TAF1B: variants seen among roughly 807,000 people sequenced by gnomAD.
TAF1B encodes TATA box-binding protein-associated factor RNA polymerase I subunit B.
TAF1B carries 61 observed loss-of-function variants against 83.9 expected under a neutral mutation model. The observed-to-expected ratio is 0.73, with a 90% CI of 0.59 to 0.90. The LOEUF is 0.90. Among genes scored for constraint, TAF1B ranks in the 40% least tolerant of loss-of-function variants. The pLI is 0.00. For synonymous variants in TAF1B, 221 were observed against 224.6 expected, an observed-to-expected ratio of 0.98 and a Z score of 0.14; for missense variants, 625 against 677.0, an observed-to-expected ratio of 0.92 and a Z score of 0.85.
rs151332114 is a variant in TAF1B at position 9,886,243 on chromosome 2, A to G, written c.807+3438A>G. 6.5e-3 allele frequency among the ~76,000 whole-genome samples: 992 copies of G among 151,650 alleles called. 5 individuals are homozygous for G. Among genetic ancestry groups the G allele is most frequent in the Middle Eastern group, 0.014 (4 of 292 alleles). On this transcript the variant is annotated intron_variant, in intron 8 of 14. Transcript: ENST00000263663. The stretch of plus-strand genomic sequence containing the variant: ...AAAGACATACCATTTTGGAAAATTA[A>G]GTTTCCATTTTAAGATTCTGTTAAC...
chr2:9,875,905 C>A lies in TAF1B; in HGVS notation c.594C>A (p.Tyr198Ter). The A allele has an allele frequency of 6.2e-7, 1 of 1,612,316 alleles. No individual in the cohort carries two copies. The highest frequency in any genetic ancestry group is 8.5e-7 in the Non-Finnish European group (1 of 1,178,740). ...CTGGATCTCTGGATGGAGTTGAATA[C>A]TCACAACGAAAGGAGAAGGGAATCG... ...VCSGSLDGVE[Y>*]SQRKEKGIVK... The change falls in exon 7 of 15, where the codon TAC (tyrosine) becomes TAA (stop). Residue 198 changes from tyrosine to a stop codon, truncating the protein, a stop_gained. Transcript: ENST00000263663. LOFTEE classifies it high-confidence loss of function.
intron 9 of TAF1B, among the ~76,000 whole-genome samples, chr2:9,908,028 C>CTTTTTTTTTTTTTTTTTTTT (rs57261740): frequency 1.4e-5 from 1 of 71,754 alleles, no homozygotes; most frequent in African/African-American, 7.9e-5. Context: ...GATCTTAATT[C>CTTTTTTTTTTTTTTTTTTTT]TTTTTTTTTT....
chr2:9,861,910 A>G (rs12621415), intron 5 of TAF1B, among the ~76,000 whole-genome samples: 36,770 of 152,006 alleles, frequency 0.24, 5,009 homozygotes, highest in East Asian at 0.31. Context: ...GAAAACTAAC[A>G]AACAGAAAGG....
At chr2:9,919,557 CA>C in intron 13 of TAF1B, 40 bp from the exon 14 acceptor site, 2 of 1,530,534 alleles carry the variant, frequency 1.3e-6, no homozygotes, top group Non-Finnish European at 1.8e-6. Flanking sequence ...TGTGATTTAA[CA>C]TTACTTGTTA....
At position 9,873,355 on chromosome 2, in the gene TAF1B, G is replaced by A. The variant is rs565748342; in HGVS notation, c.554-2510G>A. On this transcript the variant is annotated intron_variant, in intron 6 of 14. Transcript: ENST00000263663. Reference sequence around the variant, plus strand: ...TTTTGAGGAGTTATTTTGAGACTTTGTGTTTAAGAAAGTGTAGCTTCTCAG... The same window carrying A: ...TTTTGAGGAGTTATTTTGAGACTTTATGTTTAAGAAAGTGTAGCTTCTCAG... Among the ~76,000 whole-genome samples, 251 of 152,318 alleles carry A rather than the reference G, an allele frequency of 1.6e-3. 1 individual carries two copies. Among genetic ancestry groups the A allele is most frequent in the African/African-American group, 5.9e-3 (246 of 41,562 alleles).
intron 9 of TAF1B, among the ~76,000 whole-genome samples, chr2:9,909,046 G>A (rs1665440706): frequency 6.6e-6 from 1 of 152,170 alleles, no homozygotes; most frequent in African/African-American, 2.4e-5. Context: ...GCGATATTTT[G>A]AATTATCATT....
At chr2:9,919,897 A>G in intron 14 of TAF1B, 77 bp downstream of exon 14, 1 of 1,384,992 alleles carries the variant, frequency 7.2e-7, no homozygotes, top group Non-Finnish European at 9.9e-7. Context: ...TTTTTGTTGG[A>G]ATTAGAAGCT....
intron 14 of TAF1B, among the ~76,000 whole-genome samples, chr2:9,925,324 C>T (rs1666003396): frequency 6.6e-6 from 1 of 151,848 alleles, no homozygotes; most frequent in Non-Finnish European, 1.5e-5. Context: ...CCTGTAGTCC[C>T]AGCTACTCAG....
chr2:9,909,641 G>A (rs1665462531), intron 9 of TAF1B, among the ~76,000 whole-genome samples: 1 of 152,190 alleles, frequency 6.6e-6, no homozygotes, highest in African/African-American at 2.4e-5. Context: ...AGTTATAAGG[G>A]TGGCCTAAGG....
chr2:9,864,967 G>A lies in TAF1B; in HGVS notation c.400-3309G>A, dbSNP rs1414813780. Among the ~76,000 whole-genome samples, 7 of 151,992 alleles carry A rather than the reference G, an allele frequency of 4.6e-5. No individual in the cohort carries two copies. In the East Asian group the frequency reaches 7.7e-4, roughly 17 times the overall value. ...AAATAATAAGAGCTATCTATGACAAGCCCACAGCCAATATCATACTGAATG... is the reference window on the plus strand; with the variant it reads ...AAATAATAAGAGCTATCTATGACAAACCCACAGCCAATATCATACTGAATG... On this transcript the variant is annotated intron_variant, in intron 5 of 14. Transcript: ENST00000263663.
chr2:9,919,486 T>TTA, intron 13 of TAF1B, 112 bp from the exon 14 acceptor site: 1 of 886,656 alleles, frequency 1.1e-6, no homozygotes, highest in Non-Finnish European at 1.8e-6. Flanking sequence ...CTGTGGTACA[T>TTA]CTGCGAAAAC....
chr2:9,881,110 G>T (rs752561950), intron 7 of TAF1B, among the ~76,000 whole-genome samples: 1 of 152,166 alleles, frequency 6.6e-6, no homozygotes, highest in Non-Finnish European at 1.5e-5. Context: ...AAGGCAGGCA[G>T]ATCACTTGAG....
At chr2:9,884,081 G>A (rs183215248) in intron 8 of TAF1B, among the ~76,000 whole-genome samples, 166 of 152,360 alleles carry the variant, frequency 1.1e-3, no homozygotes, top group Non-Finnish European at 1.9e-3. Flanking sequence ...AGCAAGCATG[G>A]GGTCTGGCCA....
chr2:9,909,086 A>G (rs1665441749), intron 9 of TAF1B, among the ~76,000 whole-genome samples: 1 of 152,246 alleles, frequency 6.6e-6, no homozygotes, highest in South Asian at 2.1e-4. Flanking sequence ...TATGTTAACA[A>G]AGCATTTTTT....
intron 6 of TAF1B, among the ~76,000 whole-genome samples, chr2:9,875,393 T>A (rs1664292589): frequency 6.6e-6 from 1 of 152,246 alleles, no homozygotes; most frequent in African/African-American, 2.4e-5. Flanking sequence ...GTTTTATAAC[T>A]AGTTTTAAGA....
At chr2:9,889,660 T>C (rs1037570911) in intron 8 of TAF1B, among the ~76,000 whole-genome samples, 1 of 152,244 alleles carries the variant, frequency 6.6e-6, no homozygotes, top group African/African-American at 2.4e-5. Context: ...GCAATCATTG[T>C]AATTTTTATG....
In TAF1B at chr2:9,910,745, A is replaced by G. The variant is rs1665502561; in HGVS notation, c.965A>G (p.His322Arg). The change falls in exon 10 of 15, where the codon CAT (histidine) becomes CGT (arginine). Residue 322 changes from histidine (H) to arginine (R), a missense_variant. Transcript: ENST00000263663. ...LMEVNLPDEM[H>R]SLTCHVVKMT... Reference sequence around the variant, plus strand: ...CTGTTTTGTTCTTCAGATGAAATGCATAGCTTAACTTGCCACGTGGTAAAA... The same window carrying G: ...CTGTTTTGTTCTTCAGATGAAATGCGTAGCTTAACTTGCCACGTGGTAAAA... 2 of 1,610,380 alleles carry G rather than the reference A, an allele frequency of 1.2e-6. No homozygotes were observed. The highest frequency in any genetic ancestry group is 1.7e-6 in the Non-Finnish European group (2 of 1,177,846).
chr2:9,879,413 G>A (rs992886776), intron 7 of TAF1B, among the ~76,000 whole-genome samples: 2 of 152,332 alleles, frequency 1.3e-5, no homozygotes, highest in Admixed American at 1.3e-4. Flanking sequence ...CGCATCTCAG[G>A]TGGGTCAGAG....
intron 1 of TAF1B, among the ~76,000 whole-genome samples, chr2:9,844,159 T>C (rs1331479353): frequency 2.0e-5 from 3 of 152,276 alleles, no homozygotes; most frequent in Non-Finnish European, 2.9e-5. Context: ...CATTTTTGTT[T>C]TTTATTTTTG....
Sources: allele counts gnomAD v4.1 joint callset (sites outside exome capture counted in the v4.1 genomes callset), GRCh38; gene constraint gnomAD v4.1.1; transcripts MANE v1.5; gene names NCBI Gene and HGNC (gene_info 2026-07-23, HGNC 2026-07-21).